Variants in FAM118A observed in about 807,000 individuals in gnomAD.
FAM118A encodes the protein protein FAM118A.
In FAM118A, 25 loss-of-function variants were observed where a neutral mutation model predicts 38.2. The observed-to-expected ratio is 0.65, with a 90% CI of 0.48 to 0.91. The LOEUF (loss-of-function observed/expected upper bound fraction) is 0.91. Ranked by LOEUF, FAM118A falls within the 40% of genes least tolerant of loss-of-function variation. FAM118A has a pLI of 0.00. For missense variants in FAM118A, 425 were observed against 463.3 expected (o/e 0.92, Z 0.76); for synonymous variants, 178 against 184.1 (o/e 0.97, Z 0.27).
In FAM118A at chr22:45,340,447, G is replaced by T. The variant is rs774396192; in HGVS notation, c.*42G>T. The T allele has an allele frequency of 6.2e-7, 1 of 1,609,934 alleles. No individual in the cohort carries two copies. Among genetic ancestry groups the T allele is most frequent in the East Asian group, 2.2e-5 (1 of 44,860 alleles). On this transcript the variant is annotated 3_prime_UTR_variant, in exon 9 of 9. Transcript: ENST00000441876. ...CCTGCAACTTGAAAACTAGCCTTCT[G>T]TAACCACAGTGCCCAAACGAAGAGG...
At chr22:45,336,570 G>C (rs1275362875) in intron 8 of FAM118A, among the ~76,000 whole-genome samples, 159 bp downstream of exon 8, 1 of 152,180 alleles carries the variant, frequency 6.6e-6, no homozygotes, top group African/African-American at 2.4e-5. Flanking sequence ...TTACTTAGCA[G>C]AGACCCTGAC....
At chr22:45,339,858 GTTT>G (rs1450300043) in intron 8 of FAM118A, among the ~76,000 whole-genome samples, 2 of 152,158 alleles carry the variant, frequency 1.3e-5, no homozygotes, top group African/African-American at 2.4e-5. Context: ...TTGGGCAGGG[GTTT>G]TCTTCAATAC....
intron 1 of FAM118A, among the ~76,000 whole-genome samples, chr22:45,319,359 G>A (rs2084749778): frequency 1.3e-5 from 2 of 152,106 alleles, no homozygotes. Context: ...TGGGGGGCGG[G>A]AGTAGGGGGC....
chr22:45,326,965 G>A (rs571160999), intron 3 of FAM118A, among the ~76,000 whole-genome samples: 14 of 151,588 alleles, frequency 9.2e-5, no homozygotes, highest in South Asian at 2.1e-4. Context: ...GGCCGTGATC[G>A]TGCCACTCAC....
intron 4 of FAM118A, chr22:45,328,541 A>G: frequency 4.2e-6 from 3 of 719,570 alleles, no homozygotes; most frequent in Non-Finnish European, 7.7e-6. Context: ...CCGAGGTGGG[A>G]GGATTGCTTG....
chr22:45,336,197 C>G (rs994220827), intron 7 of FAM118A, 131 bp from the exon 8 acceptor site: 8 of 619,856 alleles, frequency 1.3e-5, no homozygotes, highest in Non-Finnish European at 2.3e-5. Context: ...GAAGCCGTAG[C>G]GTGGTTGATG....
intron 3 of FAM118A, among the ~76,000 whole-genome samples, chr22:45,323,843 T>C (rs558030862): frequency 3.3e-5 from 5 of 152,352 alleles, no homozygotes; most frequent in Admixed American, 6.5e-5. Context: ...CCAGCTTCTT[T>C]GTCTGCTGCA....
intron 6 of FAM118A, among the ~76,000 whole-genome samples, chr22:45,333,674 CAAA>C (rs541613789): frequency 8.6e-5 from 8 of 93,560 alleles, no homozygotes; most frequent in South Asian, 3.5e-4. Context: ...ACTCTGTTTC[CAAA>C]AAAAAAAAAA....
chr22:45,314,114 C>T (rs2084498212), intron 1 of FAM118A, among the ~76,000 whole-genome samples: 1 of 152,162 alleles, frequency 6.6e-6, no homozygotes, highest in Admixed American at 6.5e-5. Flanking sequence ...ATCCTACCTC[C>T]TTCCCCCAAG....
Position 45,332,556 on chromosome 22 carries a change from G to C in FAM118A, c.783G>C (p.Met261Ile), listed in dbSNP as rs757724919. ...ATAAGGTGGATTTGGAGCACTACAT[G>C]CTTGTGCTGAAGGAGAATGAAGACC... ...VPNKVDLEHY[M>I]LVLKENEDHF... is the part of the protein sequence containing the mutation. Residue 261 changes from methionine (M) to isoleucine (I), a missense_variant, in exon 6 of 9, where the codon ATG (methionine) becomes ATC (isoleucine). By Grantham distance (10) the Met-to-Ile change is conservative. Transcript: ENST00000441876. 6.2e-7 allele frequency: 1 copy of C among 1,614,156 alleles called. No homozygotes were observed. Among genetic ancestry groups the C allele is most frequent in the Non-Finnish European group, 8.5e-7 (1 of 1,180,040 alleles).
At chr22:45,327,745 G>A in intron 3 of FAM118A, 97 bp from the exon 4 acceptor site, 2 of 1,252,714 alleles carry the variant, frequency 1.6e-6, no homozygotes, top group South Asian at 1.3e-5. Flanking sequence ...TTTGTTTTCA[G>A]CCGCTGTATC....
At chr22:45,321,962 C>G (rs769299069) in intron 1 of FAM118A, 126 of 311,748 alleles carry the variant, frequency 4.0e-4, no homozygotes, top group Non-Finnish European at 6.8e-4. Context: ...CCGCCTCTGG[C>G]TTCGCTTTGT....
intron 7 of FAM118A, 51 bp from the exon 8 acceptor site, chr22:45,336,277 G>A (rs979658685): frequency 1.4e-6 from 2 of 1,469,276 alleles, no homozygotes; most frequent in East Asian, 4.6e-5. Flanking sequence ...ACTGTGCCTT[G>A]GCGAGTGGAT....
intron 1 of FAM118A, among the ~76,000 whole-genome samples, chr22:45,312,400 C>A (rs181304470): frequency 4.6e-5 from 7 of 152,150 alleles, no homozygotes; most frequent in Admixed American, 1.3e-4. Context: ...TTGCCAGTCG[C>A]GGTGGCTCAC....
At chr22:45,309,694 C>T (rs756184080), upstream of FAM118A, 1 of 152,292 alleles carries the variant, frequency 6.6e-6, no homozygotes, top group Admixed American at 6.5e-5. Flanking sequence ...CTCCCCAGCG[C>T]AAGCCCTCCC....
chr22:45,330,824 C>T (rs1005473436), intron 5 of FAM118A, 93 bp downstream of exon 5: 19 of 1,363,976 alleles, frequency 1.4e-5, no homozygotes, highest in Non-Finnish European at 1.7e-5. Context: ...TCCCAGGCTC[C>T]AGGCGTCCGT....
At chr22:45,335,421 C>T in intron 7 of FAM118A, 39 bp downstream of exon 7, 1 of 1,610,980 alleles carries the variant, frequency 6.2e-7, no homozygotes, top group Non-Finnish European at 8.5e-7. Context: ...TGTTTTTTGC[C>T]TACACATTCC....
chr22:45,327,511 T>C (rs1436844289), intron 3 of FAM118A, among the ~76,000 whole-genome samples: 1 of 152,168 alleles, frequency 6.6e-6, no homozygotes, highest in Non-Finnish European at 1.5e-5. Context: ...TTCCCTCTGC[T>C]TAGAACATTC....
intron 4 of FAM118A, chr22:45,328,604 C>T (rs748932068): frequency 1.0e-4 from 65 of 626,078 alleles, no homozygotes; most frequent in Non-Finnish European, 1.3e-4. Context: ...TTATTCCAGC[C>T]TGGGTGACAG....
Sources: gnomAD v4.1 joint callset for allele counts (sites outside exome capture counted in the v4.1 genomes callset) on GRCh38, gnomAD v4.1.1 for gene constraint, MANE v1.5 for transcripts, NCBI Gene and HGNC (gene_info 2026-07-23, HGNC 2026-07-21) for gene names.